The following FHIT variants were observed in gnomAD, a reference collection of about 807,000 sequenced individuals.
FHIT encodes the protein bis(5'-adenosyl)-triphosphatase.
Under a neutral mutation model 17.9 loss-of-function variants are expected in FHIT, and 19 were observed. The ratio of observed to expected loss-of-function variants is 1.06; its 90% CI spans 0.74 to 1.56. FHIT has a LOEUF of 1.56. Ranked by LOEUF, FHIT falls within the 40% of genes most tolerant of loss-of-function variation. The pLI is 0.00. For synonymous variants in FHIT, 81 were observed against 69.7 expected (o/e 1.16, Z -0.81); for missense variants, 248 against 189.2 (o/e 1.31, Z -1.82).
chr3:60,303,246 G>T (rs1333915161), intron 5 of FHIT, among the ~76,000 whole-genome samples: 1 of 152,110 alleles, frequency 6.6e-6, no homozygotes, highest in Non-Finnish European at 1.5e-5. Flanking sequence ...CACTAAGCAT[G>T]ACATCCAAAT....
At chr3:61,211,021 C>A (rs560090869) in intron 1 of FHIT, among the ~76,000 whole-genome samples, 9 of 152,100 alleles carry the variant, frequency 5.9e-5, no homozygotes, top group Admixed American at 1.3e-4. Context: ...TGGTGGCTGG[C>A]AGCCAAGATG....
chr3:61,051,335 C>A (rs1575919315), intron 2 of FHIT, among the ~76,000 whole-genome samples: 1 of 152,080 alleles, frequency 6.6e-6, no homozygotes, highest in South Asian at 2.1e-4. Flanking sequence ...CAGTGGCAGG[C>A]ACTCCCCAGG....
At chr3:60,656,237 CTCTT>C (rs1166723439) in intron 4 of FHIT, among the ~76,000 whole-genome samples, 5 of 152,292 alleles carry the variant, frequency 3.3e-5, no homozygotes, top group African/African-American at 1.2e-4. Flanking sequence ...CTGGGGCTCT[CTCTT>C]CACCCCAAAT....
intron 5 of FHIT, among the ~76,000 whole-genome samples, chr3:60,253,287 C>A (rs996455930): frequency 3.9e-5 from 6 of 152,124 alleles, no homozygotes; most frequent in African/African-American, 1.4e-4. Flanking sequence ...TCATGATATT[C>A]TGAATCGACA....
chr3:60,949,505 C>T (rs2107452054), intron 3 of FHIT, among the ~76,000 whole-genome samples: 1 of 152,276 alleles, frequency 6.6e-6, no homozygotes, highest in Admixed American at 6.5e-5. Context: ...TCCCCTTAAC[C>T]AGACCTGAAA....
At chr3:60,988,215 T>C (rs1048170114) in intron 3 of FHIT, among the ~76,000 whole-genome samples, 1 of 152,182 alleles carries the variant, frequency 6.6e-6, no homozygotes, top group Admixed American at 6.5e-5. Flanking sequence ...CAGATGACAA[T>C]TGCTACAACA....
chr3:60,558,706 A>G (rs528183305), intron 4 of FHIT, among the ~76,000 whole-genome samples: 1 of 152,280 alleles, frequency 6.6e-6, no homozygotes, highest in South Asian at 2.1e-4. Flanking sequence ...ATGTTGTGGC[A>G]TCTTCCTCCT....
chr3:61,083,121 C>G (rs2035194077), intron 2 of FHIT, among the ~76,000 whole-genome samples: 2 of 152,162 alleles, frequency 1.3e-5, no homozygotes, highest in Admixed American at 6.5e-5. Flanking sequence ...TTGATGTACT[C>G]TAATATATTT....
At chr3:60,759,851 G>T (rs781921476) in intron 4 of FHIT, among the ~76,000 whole-genome samples, 4 of 152,154 alleles carry the variant, frequency 2.6e-5, no homozygotes, top group Non-Finnish European at 4.4e-5. Flanking sequence ...GATGTTCTTT[G>T]CTGTAAATGG....
chr3:60,404,865 T>G (rs1290799927), intron 5 of FHIT, among the ~76,000 whole-genome samples: 1 of 152,130 alleles, frequency 6.6e-6, no homozygotes, highest in Admixed American at 6.5e-5. Flanking sequence ...CAAGTTCCCA[T>G]TCAGCAAGGG....
intron 5 of FHIT, among the ~76,000 whole-genome samples, chr3:60,137,443 G>T (rs1444343111): frequency 6.6e-6 from 1 of 152,134 alleles, no homozygotes; most frequent in African/African-American, 2.4e-5. Flanking sequence ...ATTAAAATGT[G>T]AGTTAAACTG....
chr3:59,988,421 G>A (rs79525983), intron 7 of FHIT, among the ~76,000 whole-genome samples: 1,670 of 152,160 alleles, frequency 0.011, 28 homozygotes, highest in African/African-American at 0.038. Flanking sequence ...AAGCAAAATT[G>A]TAAACATTTT....
At chr3:60,952,650 C>A (rs1559859715) in intron 3 of FHIT, among the ~76,000 whole-genome samples, 1 of 152,182 alleles carries the variant, frequency 6.6e-6, no homozygotes, top group Non-Finnish European at 1.5e-5. Context: ...AAGAAGTGTT[C>A]TCTAACCCTC....
chr3:61,168,233 T>C (rs1290013060), intron 2 of FHIT, among the ~76,000 whole-genome samples: 2 of 152,202 alleles, frequency 1.3e-5, no homozygotes, highest in Non-Finnish European at 2.9e-5. Flanking sequence ...AATTGCAAGA[T>C]GGTGTTGAGC....
At chr3:60,289,390 C>T (rs546311688) in intron 5 of FHIT, among the ~76,000 whole-genome samples, 2 of 152,200 alleles carry the variant, frequency 1.3e-5, no homozygotes, top group East Asian at 1.9e-4. Context: ...ATCGAAAGGA[C>T]CTTTAATTTA....
At chr3:60,585,295 C>T (rs1293699993) in intron 4 of FHIT, among the ~76,000 whole-genome samples, 4 of 152,002 alleles carry the variant, frequency 2.6e-5, no homozygotes, top group East Asian at 1.9e-4. Flanking sequence ...ATCAGAGATA[C>T]GTAGATTCAA....
chr3:60,888,334 C>T (rs1040661442), intron 3 of FHIT, among the ~76,000 whole-genome samples: 11 of 152,058 alleles, frequency 7.2e-5, no homozygotes, highest in African/African-American at 1.4e-4. Flanking sequence ...AGCAAGGTGG[C>T]GAGGATACAA....
chr3:60,662,582 A>G (rs1451413866), intron 4 of FHIT, among the ~76,000 whole-genome samples: 1 of 152,002 alleles, frequency 6.6e-6, no homozygotes, highest in Non-Finnish European at 1.5e-5. Context: ...ATGAAGAATG[A>G]TGGTGGTATT....
At chr3:61,113,868 A>G (rs2036227849) in intron 2 of FHIT, among the ~76,000 whole-genome samples, 1 of 152,010 alleles carries the variant, frequency 6.6e-6, no homozygotes, top group South Asian at 2.1e-4. Flanking sequence ...TTGAATTCAG[A>G]CTCCAAAGCC....
Sources: gnomAD v4.1 joint callset for allele counts (sites outside exome capture counted in the v4.1 genomes callset) on GRCh38, gnomAD v4.1.1 for gene constraint, MANE v1.5 for transcripts, NCBI Gene and HGNC (gene_info 2026-07-23, HGNC 2026-07-21) for gene names.